PXDNL: variants seen among roughly 807,000 people sequenced by gnomAD.
PXDNL encodes probable oxidoreductase PXDNL.
Under a neutral mutation model 150.8 loss-of-function variants are expected in PXDNL, and 145 were observed. The observed-to-expected ratio is 0.96, with a 90% CI of 0.84 to 1.10. The LOEUF (loss-of-function observed/expected upper bound fraction) is 1.10. PXDNL is among the 50% of genes least tolerant of loss of function. The pLI is 0.00. For missense variants in PXDNL, 2,087 were observed against 1,873.9 expected (o/e 1.11, Z -2.10); for synonymous variants, 757 against 725.7 (o/e 1.04, Z -0.69).
At chr8:51,738,591 G>A (rs998280283) in intron 1 of PXDNL, among the ~76,000 whole-genome samples, 2 of 151,536 alleles carry the variant, frequency 1.3e-5, no homozygotes, top group Non-Finnish European at 2.9e-5. Flanking sequence ...TACTCTATGG[G>A]AATACTACAA....
chr8:51,767,586 C>T (rs148720544), intron 1 of PXDNL, among the ~76,000 whole-genome samples: 2 of 152,278 alleles, frequency 1.3e-5, no homozygotes, highest in Admixed American at 6.5e-5. Flanking sequence ...ACTCTGAAAG[C>T]TTACTACTAT....
chr8:51,610,128 T>G (rs1245767237), intron 2 of PXDNL, among the ~76,000 whole-genome samples: 1 of 152,190 alleles, frequency 6.6e-6, no homozygotes, highest in Non-Finnish European at 1.5e-5. Flanking sequence ...CAAGAATTTG[T>G]CCACAGGTCA....
chr8:51,327,262 A>C (rs1199188863), intron 21 of PXDNL, among the ~76,000 whole-genome samples: 2 of 152,178 alleles, frequency 1.3e-5, no homozygotes, highest in African/African-American at 4.8e-5. Flanking sequence ...AACCTGTCTA[A>C]TTCATGGCTT....
intron 19 of PXDNL, among the ~76,000 whole-genome samples, chr8:51,366,576 C>T (rs1025216846): frequency 3.3e-5 from 5 of 152,026 alleles, no homozygotes; most frequent in South Asian, 2.1e-4. Flanking sequence ...ATACGTTTTA[C>T]GTATTTATGT....
At position 51,506,541 on chromosome 8, in the gene PXDNL, A is replaced by C. The variant is rs1412852434; in HGVS notation, c.381-6771T>G. ...GGGTGACAGAGTGAGACTCTGTCTC[A>C]AAAAAAAAAAAAAAAAAAAAAAAAA... On this transcript the variant is annotated intron_variant, in intron 4 of 22. Coordinates refer to ENST00000356297, the MANE Select transcript of PXDNL (RefSeq NM_144651.5). Among the ~76,000 whole-genome samples, 8 of 9,066 alleles carry C rather than the reference A, an allele frequency of 8.8e-4. No individual in the cohort carries two copies. The East Asian group carries it at 0.01, about 11-fold the overall frequency. The allele number at this position is 9,066 out of a possible 152,430, so 5.9% of individuals were successfully genotyped here. A position where few individuals can be genotyped will look rare whatever the true frequency, so the allele number is the denominator to read the frequency against.
At chr8:51,710,608 G>A (rs942665086) in intron 1 of PXDNL, among the ~76,000 whole-genome samples, 4 of 152,060 alleles carry the variant, frequency 2.6e-5, no homozygotes, top group African/African-American at 9.7e-5. Flanking sequence ...ACCTCCCTTA[G>A]GCCTTGGTAG....
At chr8:51,501,628 TCA>T (rs1427790644) in intron 4 of PXDNL, among the ~76,000 whole-genome samples, 2 of 151,902 alleles carry the variant, frequency 1.3e-5, no homozygotes, top group Non-Finnish European at 2.9e-5. Flanking sequence ...ATGCTCACAC[TCA>T]CACTGTCTCA....
In PXDNL at chr8:51,411,232, A is replaced by G; in HGVS notation, c.2062+18T>C. The G allele has an allele frequency of 7.0e-7, 1 of 1,421,612 alleles. No individual in the cohort carries two copies. Among genetic ancestry groups the G allele is most frequent in the Non-Finnish European group, 9.2e-7 (1 of 1,084,144 alleles). The allele number at this position is 1,421,612 out of a possible 1,614,324, so 88.1% of individuals were successfully genotyped here. ...TCTGTGGGCAGTAGGCTGAGAATAA[A>G]ATGGCTTTGTGGCTGACCTTTGCCT... On this transcript the variant is annotated intron_variant, in intron 16 of 22. Coordinates refer to ENST00000356297, the MANE Select transcript of PXDNL (RefSeq NM_144651.5).
chr8:51,807,029 G>A (rs2037684230), intron 1 of PXDNL, among the ~76,000 whole-genome samples: 1 of 152,164 alleles, frequency 6.6e-6, no homozygotes, highest in Admixed American at 6.5e-5. Context: ...CTAGAGCTAA[G>A]CAATTTTCTA....
At chr8:51,695,972 T>C (rs1418892224) in intron 1 of PXDNL, among the ~76,000 whole-genome samples, 1 of 152,082 alleles carries the variant, frequency 6.6e-6, no homozygotes, top group Non-Finnish European at 1.5e-5. Flanking sequence ...CATTTAGAGG[T>C]GAATAAAATT....
intron 1 of PXDNL, among the ~76,000 whole-genome samples, chr8:51,781,746 C>T (rs2037417304): frequency 6.6e-6 from 1 of 152,218 alleles, no homozygotes; most frequent in Non-Finnish European, 1.5e-5. Flanking sequence ...TGCCTGATAT[C>T]TGCTGCTCAC....
intron 1 of PXDNL, among the ~76,000 whole-genome samples, chr8:51,808,776 A>G (rs2037704685): frequency 6.6e-6 from 1 of 152,178 alleles, no homozygotes; most frequent in Non-Finnish European, 1.5e-5. Flanking sequence ...ATCAATTGAA[A>G]CCACACTCTA....
chr8:51,778,717 C>T (rs2037381679), intron 1 of PXDNL, among the ~76,000 whole-genome samples: 3 of 152,226 alleles, frequency 2.0e-5, no homozygotes, highest in Admixed American at 2.0e-4. Flanking sequence ...GCTCGTTCTT[C>T]TCTGCTTTGG....
intron 8 of PXDNL, among the ~76,000 whole-genome samples, chr8:51,467,667 T>C (rs774288114): frequency 5.3e-5 from 8 of 152,070 alleles, no homozygotes; most frequent in Non-Finnish European, 8.8e-5. Context: ...TTAAATCTCT[T>C]TCATCAAGTC....
At chr8:51,342,007 T>C (rs930083745) in intron 20 of PXDNL, among the ~76,000 whole-genome samples, 14 of 152,266 alleles carry the variant, frequency 9.2e-5, no homozygotes, top group African/African-American at 3.4e-4. Context: ...TGCACTCCCA[T>C]GTTACCTGCA....
At chr8:51,509,975 C>T (rs996544784) in intron 4 of PXDNL, among the ~76,000 whole-genome samples, 3 of 151,858 alleles carry the variant, frequency 2.0e-5, no homozygotes, top group Admixed American at 2.0e-4. Flanking sequence ...GTGCCACAGC[C>T]CAGATCCTAA....
At chr8:51,453,832 G>C in intron 9 of PXDNL, 47 bp from the exon 10 acceptor site, 2 of 1,591,874 alleles carry the variant, frequency 1.3e-6, no homozygotes, top group East Asian at 2.2e-5. Flanking sequence ...GTAGCAGTTA[G>C]GAAGATTTAT....
intron 19 of PXDNL, among the ~76,000 whole-genome samples, chr8:51,347,268 T>A (rs1806188824): frequency 6.6e-6 from 1 of 152,162 alleles, no homozygotes; most frequent in Non-Finnish European, 1.5e-5. Flanking sequence ...CATATGTAAA[T>A]TAAATTCAAG....
At chr8:51,563,220 A>G (rs1174476794) in intron 3 of PXDNL, among the ~76,000 whole-genome samples, 1 of 151,996 alleles carries the variant, frequency 6.6e-6, no homozygotes, top group African/African-American at 2.4e-5. Context: ...AACAATAGCA[A>G]TTTATATGCT....
Sources: allele counts gnomAD v4.1 joint callset (sites outside exome capture counted in the v4.1 genomes callset), GRCh38; gene constraint gnomAD v4.1.1; transcripts MANE v1.5; gene names NCBI Gene and HGNC (gene_info 2026-07-23, HGNC 2026-07-21).